Variants in PTPRT observed in about 807,000 individuals in gnomAD.
PTPRT encodes the protein receptor-type tyrosine-protein phosphatase T.
In PTPRT, 56 loss-of-function variants were observed where a neutral mutation model predicts 176.8. The observed-to-expected ratio is 0.32, with a 90% CI of 0.26 to 0.40. The LOEUF (loss-of-function observed/expected upper bound fraction) is 0.40. Ranked by LOEUF, PTPRT falls within the 10% of genes least tolerant of loss-of-function variation. The probability of loss-of-function intolerance (pLI) is 1.00; values close to 1 mark genes in which losing one functional copy is unlikely to be tolerated. For synonymous variants in PTPRT, 783 were observed against 739.0 expected (o/e 1.06, Z -0.96); for missense variants, 1,540 against 1,908.2 (o/e 0.81, Z 3.60).
At chr20:43,017,145 T>C (rs911639100) in intron 1 of PTPRT, among the ~76,000 whole-genome samples, 1 of 152,236 alleles carries the variant, frequency 6.6e-6, no homozygotes, top group Non-Finnish European at 1.5e-5. Context: ...ACTCTACTCC[T>C]TGCCCCAACC....
chr20:42,663,369 T>C (rs1453475500), intron 7 of PTPRT, among the ~76,000 whole-genome samples: 2 of 152,182 alleles, frequency 1.3e-5, no homozygotes. Context: ...ATGAGTTCTA[T>C]GCTGGGCAGG....
chr20:43,058,643 G>C (rs777870628), intron 1 of PTPRT, among the ~76,000 whole-genome samples: 2 of 152,174 alleles, frequency 1.3e-5, no homozygotes, highest in Non-Finnish European at 2.9e-5. Context: ...TAACAAAGTG[G>C]TCATCAGTGA....
intron 11 of PTPRT, among the ~76,000 whole-genome samples, chr20:42,344,809 T>C (rs547345128): frequency 6.6e-6 from 1 of 152,260 alleles, no homozygotes; most frequent in African/African-American, 2.4e-5. Context: ...CCTGCTCCTT[T>C]GCTTCTCTCC....
chr20:42,797,544 C>T (rs1205719287), intron 2 of PTPRT, among the ~76,000 whole-genome samples: 1 of 150,992 alleles, frequency 6.6e-6, no homozygotes, highest in Non-Finnish European at 1.5e-5. Context: ...CTCCCACCCT[C>T]CCCCGCAAAC....
intron 17 of PTPRT, among the ~76,000 whole-genome samples, chr20:42,154,279 A>C (rs1386517681): frequency 6.6e-6 from 1 of 152,090 alleles, no homozygotes; most frequent in African/African-American, 2.4e-5. Context: ...CTTGTGGGAG[A>C]AGCAGAGGTG....
At chr20:42,865,714 C>T (rs1428136190) in intron 2 of PTPRT, among the ~76,000 whole-genome samples, 2 of 152,092 alleles carry the variant, frequency 1.3e-5, no homozygotes, top group Non-Finnish European at 2.9e-5. Flanking sequence ...CAAAGTACAG[C>T]AGGTAGAGGA....
At chr20:42,284,961 G>GAAA (rs370285823) in intron 12 of PTPRT, among the ~76,000 whole-genome samples, 5 of 112,652 alleles carry the variant, frequency 4.4e-5, no homozygotes, top group African/African-American at 1.6e-4. Context: ...CCCAAAAGAT[G>GAAA]AAAAAAAAAA....
chr20:42,048,407 C>T, the PTPRT span, among the ~76,000 whole-genome samples: 20 of 152,178 alleles, frequency 1.3e-4, no homozygotes, highest in South Asian at 2.1e-4. Flanking sequence ...CAGAGTAGGA[C>T]GGAAGTGATG....
chr20:42,069,095 G>C (rs1390432419), downstream of PTPRT, among the ~76,000 whole-genome samples: 1 of 152,224 alleles, frequency 6.6e-6, no homozygotes, highest in Admixed American at 6.5e-5. Context: ...TCAGAGAGGA[G>C]AGAAAACTTG....
intron 1 of PTPRT, among the ~76,000 whole-genome samples, chr20:42,907,668 T>C (rs1261841005): frequency 6.6e-6 from 1 of 152,080 alleles, no homozygotes. Flanking sequence ...ACAAAAAAGA[T>C]GAAGGATGCT....
chr20:42,226,569 A>T (rs1189712373), intron 15 of PTPRT, among the ~76,000 whole-genome samples: 1 of 152,218 alleles, frequency 6.6e-6, no homozygotes, highest in Non-Finnish European at 1.5e-5. Flanking sequence ...CATTAAAAGC[A>T]CTATTTTGAA....
chr20:42,242,140 A>G (rs2056366501), intron 14 of PTPRT, among the ~76,000 whole-genome samples: 1 of 152,146 alleles, frequency 6.6e-6, no homozygotes, highest in Non-Finnish European at 1.5e-5. Flanking sequence ...TTTTGTGGCA[A>G]TGTGCTCTCT....
At chr20:42,640,030 A>G (rs2074704740) in intron 7 of PTPRT, among the ~76,000 whole-genome samples, 1 of 152,054 alleles carries the variant, frequency 6.6e-6, no homozygotes, top group Non-Finnish European at 1.5e-5. Context: ...ACAGCCAAAC[A>G]TCATAAAAGT....
chr20:42,093,920 G>A (rs868540558), intron 27 of PTPRT, among the ~76,000 whole-genome samples: 4 of 152,200 alleles, frequency 2.6e-5, no homozygotes, highest in Admixed American at 1.3e-4. Context: ...TTCATCTGCC[G>A]GTTTCAGGGA....
At chr20:42,266,988 T>C (rs2056849152) in intron 13 of PTPRT, among the ~76,000 whole-genome samples, 1 of 152,212 alleles carries the variant, frequency 6.6e-6, no homozygotes, top group Non-Finnish European at 1.5e-5. Context: ...TTTCATCTGT[T>C]GTTTTCTTTA....
At chr20:43,171,259 G>T (rs1247947453) in intron 1 of PTPRT, among the ~76,000 whole-genome samples, 1 of 152,074 alleles carries the variant, frequency 6.6e-6, no homozygotes, top group Non-Finnish European at 1.5e-5. Flanking sequence ...CAGAATCTTC[G>T]ATTCAAGATT....
At chr20:42,574,990 C>A (rs539735031) in intron 7 of PTPRT, among the ~76,000 whole-genome samples, 1 of 152,262 alleles carries the variant, frequency 6.6e-6, no homozygotes, top group East Asian at 1.9e-4. Context: ...GCCTCCCCAG[C>A]CATGCAGAAC....
intron 6 of PTPRT, among the ~76,000 whole-genome samples, chr20:42,704,148 C>T (rs2076016086): frequency 6.6e-6 from 1 of 152,158 alleles, no homozygotes; most frequent in African/African-American, 2.4e-5. Flanking sequence ...CCAATTATAG[C>T]TTTAATCTTG....
chr20:42,546,620 C>T (rs73102441), intron 7 of PTPRT, among the ~76,000 whole-genome samples: 2,934 of 152,280 alleles, frequency 0.019, 45 homozygotes, highest in East Asian at 0.078. Flanking sequence ...TGGCTTTCAG[C>T]ATGCCTTCCT....
Sources: gnomAD v4.1 joint callset for allele counts (sites outside exome capture counted in the v4.1 genomes callset) on GRCh38, gnomAD v4.1.1 for gene constraint, MANE v1.5 for transcripts, NCBI Gene and HGNC (gene_info 2026-07-23, HGNC 2026-07-21) for gene names.